Variants in GABBR2 observed in about 807,000 individuals in gnomAD.
GABBR2 encodes gamma-aminobutyric acid type B receptor subunit 2.
In GABBR2, 23 loss-of-function variants were observed where a neutral mutation model predicts 105.6. The ratio of observed to expected loss-of-function variants is 0.22; its 90% CI spans 0.16 to 0.31. The LOEUF is 0.31. GABBR2 is among the 10% of genes least tolerant of loss of function. The pLI is 1.00. For synonymous variants in GABBR2, 478 were observed against 499.7 expected (o/e 0.96, Z 0.58); for missense variants, 734 against 1,245.5 (o/e 0.59, Z 6.18).
chr9:98,306,673 A>C lies in GABBR2; in HGVS notation c.2005-328T>G. The C allele has an allele frequency of 2.6e-6, 1 of 383,788 alleles. No individual in the cohort carries two copies. The allele number at this position is 383,788 out of a possible 1,614,324, so 23.8% of individuals were successfully genotyped here. On this transcript the variant is annotated intron_variant, in intron 14 of 18. Coordinates refer to ENST00000259455, the MANE Select transcript of GABBR2 (RefSeq NM_005458.8). The surrounding 1 kb of genome is among the most constrained non-coding windows in gnomAD (Gnocchi z 5.4). ...ATCTCAGCTTTCTCCCTCACTCTCT[A>C]GGGAATACTAATATCCAGAAGGGTG...
At chr9:98,369,426 G>A (rs1019051362) in intron 12 of GABBR2, among the ~76,000 whole-genome samples, 2 of 152,022 alleles carry the variant, frequency 1.3e-5, no homozygotes, top group Non-Finnish European at 2.9e-5. Flanking sequence ...CCTGAGGAGT[G>A]AGAGGTATCA....
chr9:98,416,221 C>T (rs527650033), intron 7 of GABBR2, among the ~76,000 whole-genome samples: 2 of 152,296 alleles, frequency 1.3e-5, no homozygotes, highest in South Asian at 4.1e-4. Flanking sequence ...GGCTCCAGCA[C>T]ACCCATAACC....
Position 98,372,409 on chromosome 9 carries a change from T to C in GABBR2, c.1663-838A>G, listed in dbSNP as rs570350097. 1.3e-3 allele frequency among the ~76,000 whole-genome samples: 199 copies of C among 152,326 alleles called. 1 individual carries two copies. Among genetic ancestry groups the C allele is most frequent in the Non-Finnish European group, 1.9e-4 (13 of 68,020 alleles). On this transcript the variant is annotated intron_variant, in intron 11 of 18. Coordinates refer to ENST00000259455, the MANE Select transcript of GABBR2 (RefSeq NM_005458.8). ...ACCACTGAGTTCTGGGGCCTCCCAC[T>C]CACTGGGACAGAAAAGCCACGTGCC...
chr9:98,498,784 T>G (rs1827338736), intron 3 of GABBR2, among the ~76,000 whole-genome samples: 1 of 152,242 alleles, frequency 6.6e-6, no homozygotes, highest in South Asian at 2.1e-4. Context: ...AAGTTAACTT[T>G]TCCATTAGAG....
intron 7 of GABBR2, among the ~76,000 whole-genome samples, chr9:98,435,778 T>C (rs551141185): frequency 1.3e-5 from 2 of 152,274 alleles, no homozygotes; most frequent in African/African-American, 4.8e-5. Context: ...AGCTCCTATT[T>C]GTTCTTCAAT....
chr9:98,331,619 C>T (rs1472399247), intron 13 of GABBR2, among the ~76,000 whole-genome samples: 1 of 152,036 alleles, frequency 6.6e-6, no homozygotes, highest in Non-Finnish European at 1.5e-5. Context: ...AGTGGGTGCC[C>T]AGTAAATGTG....
intron 1 of GABBR2, among the ~76,000 whole-genome samples, chr9:98,619,733 G>A (rs1829642048): frequency 6.6e-6 from 1 of 152,144 alleles, no homozygotes; most frequent in South Asian, 2.1e-4. Flanking sequence ...CTGATTGAGG[G>A]CCCTGATTAA....
At chr9:98,291,696 G>A (rs1021299191) in intron 18 of GABBR2, among the ~76,000 whole-genome samples, 16 of 152,304 alleles carry the variant, frequency 1.1e-4, no homozygotes, top group Admixed American at 8.5e-4. Context: ...TGTAAGCCCT[G>A]CCCTCTGGCA....
intron 17 of GABBR2, among the ~76,000 whole-genome samples, chr9:98,294,113 T>C (rs1317415726): frequency 6.6e-6 from 1 of 152,104 alleles, no homozygotes. Flanking sequence ...ATGGAAGCAA[T>C]GTGCTGGGGA....
At chr9:98,606,994 C>T (rs549203727) in intron 1 of GABBR2, 10 of 871,360 alleles carry the variant, frequency 1.1e-5, no homozygotes, top group East Asian at 7.4e-5. Context: ...CCATGTCGCT[C>T]GGTAGCTCAA....
Position 98,666,370 on chromosome 9 carries a change from A to C in GABBR2, c.321+42047T>G, listed in dbSNP as rs545580702. Among the ~76,000 whole-genome samples, 3 of 152,208 alleles carry C rather than the reference A, an allele frequency of 2.0e-5. No individual in the cohort carries two copies. In the South Asian group the frequency reaches 6.2e-4, roughly 31 times the overall value. ...CACTCAGGATCACTCCCAGTGACCCACTTGGAGAATTCATGCTTCTCATCC... is the reference window on the plus strand; with the variant it reads ...CACTCAGGATCACTCCCAGTGACCCCCTTGGAGAATTCATGCTTCTCATCC... On this transcript the variant is annotated intron_variant, in intron 1 of 18. Coordinates refer to ENST00000259455, the MANE Select transcript of GABBR2 (RefSeq NM_005458.8).
rs562094792 is a variant in GABBR2 at position 98,618,537 on chromosome 9, T to C, written c.322-40465A>G. Among the ~76,000 whole-genome samples the C allele has an allele frequency of 2.0e-5, 3 of 152,038 alleles. No homozygotes were observed. In the South Asian group the frequency reaches 6.3e-4, roughly 32 times the overall value. ...CTCTCTCTCTGTCTCTCTGACTCTT[T>C]CTGTCTCTTTCTCTGAATATTTCTG... On this transcript the variant is annotated intron_variant, in intron 1 of 18. Transcript: ENST00000259455.
chr9:98,296,958 A>ACT (rs1452131910), intron 17 of GABBR2, among the ~76,000 whole-genome samples: 6 of 151,612 alleles, frequency 4.0e-5, no homozygotes, highest in Non-Finnish European at 7.4e-5. Context: ...CAGGTCCTCC[A>ACT]CTCTCTGAGA....
intron 4 of GABBR2, among the ~76,000 whole-genome samples, chr9:98,482,020 G>T (rs1244888118): frequency 1.3e-5 from 2 of 152,084 alleles, no homozygotes; most frequent in Non-Finnish European, 2.9e-5. Context: ...AGAACGGGTG[G>T]GGCGGCCACC....
intron 18 of GABBR2, among the ~76,000 whole-genome samples, chr9:98,291,686 T>G (rs1012553495): frequency 6.6e-6 from 1 of 152,240 alleles, no homozygotes; most frequent in East Asian, 1.9e-4. Flanking sequence ...CCTTTCCACC[T>G]GTAAGCCCTG....
At chr9:98,492,349 T>TTAAAAAAAAAAAAA (rs752135873) in intron 4 of GABBR2, among the ~76,000 whole-genome samples, 17 of 29,220 alleles carry the variant, frequency 5.8e-4, no homozygotes, top group Admixed American at 1.9e-3. Flanking sequence ...TGTTTCCTAG[T>TTAAAAAAAAAAAAA]AAAAAAAAAA....
chr9:98,681,628 A>G (rs1468929034), intron 1 of GABBR2, among the ~76,000 whole-genome samples: 2 of 152,202 alleles, frequency 1.3e-5, no homozygotes, highest in Non-Finnish European at 2.9e-5. Flanking sequence ...AATTAAGACT[A>G]CTATAAAATA....
chr9:98,515,727 C>A (rs1358933463), intron 3 of GABBR2, among the ~76,000 whole-genome samples: 1 of 152,024 alleles, frequency 6.6e-6, no homozygotes, highest in African/African-American at 2.4e-5. Context: ...TCACTCCAAG[C>A]CCTCAGGGAG....
At chr9:98,659,035 G>A (rs1302346493) in intron 1 of GABBR2, among the ~76,000 whole-genome samples, 1 of 152,160 alleles carries the variant, frequency 6.6e-6, no homozygotes. Flanking sequence ...TTATAAAGCT[G>A]CAATGGTGGT....
Sources: allele counts gnomAD v4.1 joint callset (sites outside exome capture counted in the v4.1 genomes callset), GRCh38; gene constraint gnomAD v4.1.1; non-coding constraint Gnocchi (gnomAD v3.1); transcripts MANE v1.5; gene names NCBI Gene and HGNC (gene_info 2026-07-23, HGNC 2026-07-21).